The following PRMT2 variants were observed in gnomAD, a reference collection of about 807,000 sequenced individuals.
PRMT2 encodes the protein protein arginine methyltransferase 2.
A neutral mutation model predicts 57.6 loss-of-function variants in PRMT2; 26 were observed. The observed-to-expected ratio is 0.45, with a 90% CI of 0.33 to 0.63. The LOEUF (loss-of-function observed/expected upper bound fraction) is 0.63, where lower values mean the gene tolerates loss of function less well. Among genes scored for constraint, PRMT2 ranks in the 20% least tolerant of loss-of-function variants. PRMT2 has a pLI of 0.02. For missense variants in PRMT2, 472 were observed against 564.4 expected (o/e 0.84, Z 1.66); for synonymous variants, 219 against 220.0 (o/e 1.00, Z 0.04).
At chr21:46,660,442 T>C (rs1205846867) in intron 8 of PRMT2, among the ~76,000 whole-genome samples, 1 of 152,240 alleles carries the variant, frequency 6.6e-6, no homozygotes, top group Non-Finnish European at 1.5e-5. Flanking sequence ...CAAAAGATTT[T>C]GAAATCAAAT....
intron 3 of PRMT2, among the ~76,000 whole-genome samples, chr21:46,638,050 C>T (rs2061206146): frequency 6.6e-6 from 1 of 152,196 alleles, no homozygotes; most frequent in Non-Finnish European, 1.5e-5. Context: ...GAGGCAAACA[C>T]TACTGTGAAT....
intron 7 of PRMT2, chr21:46,652,103 T>C: frequency 6.5e-7 from 1 of 1,528,636 alleles, no homozygotes; most frequent in Non-Finnish European, 8.8e-7. Context: ...GGCATGTAGT[T>C]GTTCAGAGAT....
rs550076793 is a variant in PRMT2, at chr21:46,644,183, T to A, written c.145-123T>A. 17 of 947,622 alleles carry A rather than the reference T, an allele frequency of 1.8e-5. No individual in the cohort carries two copies. The South Asian group carries it at 2.7e-4, about 15-fold the overall frequency. The allele number at this position is 947,622 out of a possible 1,614,324, so 58.7% of individuals were successfully genotyped here. A position where few individuals can be genotyped will look rare whatever the true frequency, so the allele number is the denominator to read the frequency against. ...TGCAAACATTCTCAGTTGCTGTCAT[T>A]ACCCACTGACTCCTGTTTGAAATCT... On this transcript the variant is annotated intron_variant, in intron 4 of 11. Transcript: ENST00000355680.
At chr21:46,660,606 C>G (rs1164042192) in intron 8 of PRMT2, among the ~76,000 whole-genome samples, 3 of 152,124 alleles carry the variant, frequency 2.0e-5, no homozygotes, top group African/African-American at 7.2e-5. Flanking sequence ...CCAGGTCAGG[C>G]TCAGGAAGTC....
At chr21:46,660,625 C>A (rs2061605247) in intron 8 of PRMT2, among the ~76,000 whole-genome samples, 2 of 152,120 alleles carry the variant, frequency 1.3e-5, no homozygotes, top group African/African-American at 4.8e-5. Flanking sequence ...TCTCTGGATG[C>A]CTGGGTAGAG....
chr21:46,660,249 C>A, intron 8 of PRMT2: 5 of 777,610 alleles, frequency 6.4e-6, no homozygotes, highest in Non-Finnish European at 7.8e-6. Flanking sequence ...CAAACGGTGA[C>A]ATGCAGGGGC....
At position 46,658,900 on chromosome 21, in the gene PRMT2, G is replaced by T. The variant is rs751762261; in HGVS notation, c.810G>T (p.Glu270Asp). The change falls in exon 8 of 12, where the codon GAG becomes GAT. Residue 270 changes from glutamate (E) to aspartate (D), a missense_variant. By Grantham distance (45) the Glu-to-Asp change is conservative. Coordinates refer to ENST00000355680, the MANE Select transcript of PRMT2 (RefSeq NM_206962.4). ...TGCTCTTCTGGGACAACGCGTACGA[G>T]TTCAACCTCAGCGCTCTGAAGTAAG... is the stretch of plus-strand genomic sequence containing the variant. ...SKVLFWDNAY[E>D]FNLSALKSLA... The T allele has an allele frequency of 1.9e-6, 3 of 1,614,096 alleles. No individual in the cohort carries two copies. In the African/African-American group the frequency reaches 4.0e-5, roughly 22 times the overall value.
chr21:46,644,573 C>G (rs1334348911), intron 5 of PRMT2, 85 bp downstream of exon 5: 1 of 1,376,136 alleles, frequency 7.3e-7, no homozygotes, highest in Non-Finnish European at 9.8e-7. Flanking sequence ...CAGAGCAGGC[C>G]CATAGTCTTA....
intron 7 of PRMT2, chr21:46,657,296 GT>G (rs2061554989): frequency 6.6e-6 from 1 of 151,058 alleles, no homozygotes; most frequent in African/African-American, 2.4e-5. Flanking sequence ...CCTCTCCTGT[GT>G]GTTCAACCCA....
Position 46,648,626 on chromosome 21 carries a change from G to A in PRMT2, c.489+7G>A, listed in dbSNP as rs528467029. The A allele has an allele frequency of 1.4e-4, 228 of 1,610,476 alleles. 2 individuals are homozygous for A. In the South Asian group the frequency reaches 1.7e-3, roughly 12 times the overall value. On this transcript the variant is annotated splice_region_variant and intron_variant, in intron 6 of 11. Transcript: ENST00000355680. This position sits in a 1 kb window ranked among gnomAD's most constrained non-coding sequence, Gnocchi z 4.8. ...CTATGCGCGGCCTAGAGCGGTGAGT[G>A]GGGTCTCGAGCGCATCCCGGGTGTT...
rs529913849 is a variant in PRMT2, at chr21:46,654,685, C to T, written c.655-4060C>T. Among the ~76,000 whole-genome samples, 18 of 152,258 alleles carry T rather than the reference C, an allele frequency of 1.2e-4. No individual in the cohort carries two copies. In the South Asian group the frequency reaches 2.5e-3, roughly 21 times the overall value. On this transcript the variant is annotated intron_variant, in intron 7 of 11. Transcript: ENST00000355680. Reference sequence around the variant, plus strand: ...ACACACCAATACAGTATAGCAGCTACTTACATAACACTGACATTGTATTAG... The same window carrying T: ...ACACACCAATACAGTATAGCAGCTATTTACATAACACTGACATTGTATTAG...
At chr21:46,653,916 A>G in intron 7 of PRMT2, 1 of 1,008,114 alleles carries the variant, frequency 9.9e-7, no homozygotes, top group South Asian at 4.0e-5. Context: ...ACAAAAAATG[A>G]CAGCCTTTTT....
In PRMT2 at chr21:46,653,261, C is replaced by T. The variant is rs976332857; in HGVS notation, c.654+3522C>T. ...TACTGTTTTATTGACTGTATTATCACAAATCCTGAGCTTAACGAAAGTCTT... is the reference window on the plus strand; with the variant it reads ...TACTGTTTTATTGACTGTATTATCATAAATCCTGAGCTTAACGAAAGTCTT... On this transcript the variant is annotated intron_variant, in intron 7 of 11. Transcript: ENST00000355680. 4.1e-6 allele frequency: 4 copies of T among 985,284 alleles called. No homozygotes were observed. The African/African-American group carries it at 7.0e-5, about 17-fold the overall frequency. 61.0% of individuals were successfully genotyped at this position (985,284 alleles called of 1,614,324 possible).
At chr21:46,651,560 G>A (rs949310810) in intron 7 of PRMT2, among the ~76,000 whole-genome samples, 1 of 152,060 alleles carries the variant, frequency 6.6e-6, no homozygotes, top group African/African-American at 2.4e-5. Flanking sequence ...GGCAGTGGAG[G>A]GGGAAGGCGG....
chr21:46,646,088 T>C (rs555525743), intron 5 of PRMT2, among the ~76,000 whole-genome samples: 97 of 152,200 alleles, frequency 6.4e-4, no homozygotes, highest in Non-Finnish European at 1.1e-3. Context: ...GTTGGTTGAA[T>C]GGAGGTTACC....
intron 9 of PRMT2, 84 bp downstream of exon 9, chr21:46,661,046 T>C: frequency 1.4e-6 from 2 of 1,399,796 alleles, no homozygotes; most frequent in South Asian, 2.5e-5. Flanking sequence ...ATCAAAAACC[T>C]TCAGTGAGTG....
chr21:46,639,250 C>T (rs779552312), intron 3 of PRMT2, among the ~76,000 whole-genome samples: 1 of 152,112 alleles, frequency 6.6e-6, no homozygotes, highest in Non-Finnish European at 1.5e-5. Context: ...TTCAGGCTTG[C>T]TTTATGTTCT....
In PRMT2 at chr21:46,648,116, C is replaced by G. The variant is rs2148979861; in HGVS notation, c.328-342C>G. Among the ~76,000 whole-genome samples, 1 of 152,312 alleles carries G rather than the reference C, an allele frequency of 6.6e-6. No homozygotes were observed. The highest frequency in any genetic ancestry group is 1.5e-5 in the Non-Finnish European group (1 of 68,030). On this transcript the variant is annotated intron_variant, in intron 5 of 11. Transcript: ENST00000355680. The surrounding 1 kb of genome is among the most constrained non-coding windows in gnomAD (Gnocchi z 4.8). ...TTTGGGAGAGCTGACATCTTTATAA[C>G]ATTGACTCTCAGTCTCTGATTACTT...
At position 46,664,782 on chromosome 21, in the gene PRMT2, T is replaced by C. The variant is rs1029974687; in HGVS notation, c.*455T>C. 4.9e-6 allele frequency: 1 copy of C among 205,900 alleles called. No individual in the cohort carries two copies. The highest frequency in any genetic ancestry group is 2.2e-5 in the African/African-American group (1 of 44,714). 12.8% of individuals were successfully genotyped at this position (205,900 alleles called of 1,614,324 possible). ...TGGGACGTAGGATTGCACAGGGCTG[T>C]GCCAGTGGCGTGTAGGGAACACTGC... On this transcript the variant is annotated 3_prime_UTR_variant, in exon 12 of 12. Coordinates refer to ENST00000355680, the MANE Select transcript of PRMT2 (RefSeq NM_206962.4).
Sources: gnomAD v4.1 joint callset for allele counts (sites outside exome capture counted in the v4.1 genomes callset) on GRCh38, gnomAD v4.1.1 for gene constraint, Gnocchi (gnomAD v3.1) non-coding constraint, MANE v1.5 for transcripts, NCBI Gene and HGNC (gene_info 2026-07-23, HGNC 2026-07-21) for gene names.